Variants in OR9Q1 observed in about 807,000 individuals in gnomAD.
OR9Q1 encodes olfactory receptor family 9 subfamily Q member 1.
For missense variants in OR9Q1, 374 were observed against 378.8 expected (o/e 0.99, Z 0.11); for synonymous variants, 153 against 148.6 (o/e 1.03, Z -0.22).
chr11:58,179,753 G>A lies in OR9Q1; in HGVS notation c.309G>A (p.Leu103=). The change falls in exon 3 of 3, where the codon CTG becomes CTA. Residue 103 remains leucine, a synonymous_variant. Transcript: ENST00000335397. ...CACGCTGTGCTGCTCAGTTCTTTCTGTTCACCTTCTTTGGTTCCATCGACT... is the reference window on the plus strand; with the variant it reads ...CACGCTGTGCTGCTCAGTTCTTTCTATTCACCTTCTTTGGTTCCATCGACT... The part of the protein sequence containing the change: ...SYTRCAAQFF[L]FTFFGSIDCY... 2 of 1,614,176 alleles carry A rather than the reference G, an allele frequency of 1.2e-6. No homozygotes were observed. Among genetic ancestry groups the A allele is most frequent in the Non-Finnish European group, 1.7e-6 (2 of 1,180,028 alleles).
At chr11:58,040,312 T>G (rs1343209364) in intron 1 of OR9Q1, among the ~76,000 whole-genome samples, 1 of 152,166 alleles carries the variant, frequency 6.6e-6, no homozygotes, top group African/African-American at 2.4e-5. Context: ...AACCCGAAGA[T>G]GAAGTCTTAG....
At chr11:58,038,001 G>A (rs1853125354) in intron 1 of OR9Q1, among the ~76,000 whole-genome samples, 1 of 132,194 alleles carries the variant, frequency 7.6e-6, no homozygotes, top group Non-Finnish European at 1.6e-5. Flanking sequence ...AAAGTGCTGG[G>A]ATTACAGGCA....
intron 2 of OR9Q1, among the ~76,000 whole-genome samples, chr11:58,102,117 T>C (rs1042833492): frequency 1.3e-5 from 2 of 152,212 alleles, no homozygotes; most frequent in African/African-American, 2.4e-5. Flanking sequence ...TTAGGTCTTT[T>C]GTTTTTTTTC....
chr11:58,163,599 TTA>T, intron 2 of OR9Q1, among the ~76,000 whole-genome samples: 1 of 152,374 alleles, frequency 6.6e-6, no homozygotes, highest in Non-Finnish European at 1.5e-5. Flanking sequence ...CTTGTCCTAG[TTA>T]TTTTTCCCTA....
intron 2 of OR9Q1, among the ~76,000 whole-genome samples, chr11:58,105,241 T>C (rs149896774): frequency 6.6e-6 from 1 of 152,316 alleles, no homozygotes; most frequent in Non-Finnish European, 1.5e-5. Flanking sequence ...AATAATACTT[T>C]ATTACTCAAC....
intron 2 of OR9Q1, chr11:58,073,156 T>C: frequency 4.6e-6 from 1 of 218,780 alleles, no homozygotes; most frequent in Non-Finnish European, 1.0e-5. Flanking sequence ...TCATTTTCTC[T>C]TTTCCATAAT....
intron 2 of OR9Q1, chr11:58,119,351 G>A (rs796514330): frequency 1.9e-6 from 3 of 1,613,878 alleles, no homozygotes; most frequent in South Asian, 1.1e-5. Context: ...TAGAAACTCA[G>A]AAACACCAGA....
At chr11:58,140,103 C>T (rs1037780729) in intron 2 of OR9Q1, among the ~76,000 whole-genome samples, 1 of 152,128 alleles carries the variant, frequency 6.6e-6, no homozygotes, top group Non-Finnish European at 1.5e-5. Flanking sequence ...AGTGTCTGTT[C>T]ATATCCTTCA....
chr11:58,024,816 T>C (rs529240316), intron 1 of OR9Q1, among the ~76,000 whole-genome samples: 12 of 152,266 alleles, frequency 7.9e-5, no homozygotes, highest in African/African-American at 2.9e-4. Context: ...GGGATATTCC[T>C]CCAGCCTTGG....
intron 1 of OR9Q1, chr11:58,031,474 C>A (rs1247871056): frequency 1.2e-6 from 2 of 1,614,084 alleles, no homozygotes; most frequent in South Asian, 2.2e-5. Context: ...CATTTTATGG[C>A]CCAAATGTCA....
chr11:58,141,865 CCT>C (rs1565088405), intron 2 of OR9Q1, among the ~76,000 whole-genome samples: 1 of 152,082 alleles, frequency 6.6e-6, no homozygotes, highest in Non-Finnish European at 1.5e-5. Context: ...GATTATTGAG[CCT>C]CTAGTATCTT....
intron 2 of OR9Q1, among the ~76,000 whole-genome samples, chr11:58,145,950 T>C (rs1854295597): frequency 6.6e-6 from 1 of 152,046 alleles, no homozygotes; most frequent in Non-Finnish European, 1.5e-5. Context: ...TTAGGATTTG[T>C]CATAGAAAAT....
intron 2 of OR9Q1, among the ~76,000 whole-genome samples, chr11:58,136,816 A>C (rs1298258787): frequency 6.6e-6 from 1 of 152,214 alleles, no homozygotes; most frequent in Admixed American, 6.5e-5. Flanking sequence ...ATCCCCCTTC[A>C]GACTATTCAC....
intron 2 of OR9Q1, among the ~76,000 whole-genome samples, chr11:58,143,930 T>C (rs1854274754): frequency 6.6e-6 from 1 of 152,102 alleles, no homozygotes; most frequent in Admixed American, 6.6e-5. Context: ...TAAAATAAAG[T>C]TTGTGAAAAT....
intron 2 of OR9Q1, among the ~76,000 whole-genome samples, chr11:58,101,462 G>C (rs1315843955): frequency 6.6e-6 from 1 of 152,112 alleles, no homozygotes; most frequent in Non-Finnish European, 1.5e-5. Flanking sequence ...CATGTCATTT[G>C]CTCACTTTTT....
intron 1 of OR9Q1, chr11:58,045,248 T>C (rs187059339): frequency 6.6e-6 from 1 of 152,352 alleles, no homozygotes; most frequent in Non-Finnish European, 1.5e-5. Context: ...TGTTTGTTTT[T>C]TTGAGACAGG....
At chr11:58,095,829 A>G (rs986635850) in intron 2 of OR9Q1, among the ~76,000 whole-genome samples, 1 of 152,202 alleles carries the variant, frequency 6.6e-6, no homozygotes, top group African/African-American at 2.4e-5. Context: ...TTTAGTCTGG[A>G]AAGAATCAGG....
Position 58,074,929 on chromosome 11 carries a change from T to C in OR9Q1, c.-15+18982T>C, listed in dbSNP as rs931956007. On this transcript the variant is annotated intron_variant, in intron 2 of 2. Coordinates refer to ENST00000335397, the MANE Select transcript of OR9Q1 (RefSeq NM_001005212.4). The stretch of plus-strand genomic sequence containing the variant: ...TCAGATGGTTTTAGATGTGTGGTGT[T>C]ATTTCTGAGGCCTCTGTTCTGTTCC... Among the ~76,000 whole-genome samples, 9 of 152,318 alleles carry C rather than the reference T, an allele frequency of 5.9e-5. No individual in the cohort carries two copies. In the South Asian group the frequency reaches 8.3e-4, roughly 14 times the overall value.
chr11:58,101,833 G>A (rs760102165), intron 2 of OR9Q1, among the ~76,000 whole-genome samples: 1 of 152,042 alleles, frequency 6.6e-6, no homozygotes, highest in Non-Finnish European at 1.5e-5. Context: ...TGCAACTTCC[G>A]CCTCCCAGGT....
Sources: gnomAD v4.1 joint callset for allele counts (sites outside exome capture counted in the v4.1 genomes callset) on GRCh38, gnomAD v4.1.1 for gene constraint, MANE v1.5 for transcripts, NCBI Gene and HGNC (gene_info 2026-07-23, HGNC 2026-07-21) for gene names.